Variants in PARD3B observed in about 807,000 individuals in gnomAD.
PARD3B encodes the protein par-3 family cell polarity regulator beta.
PARD3B carries 103 observed loss-of-function variants against 130.2 expected under a neutral mutation model. The observed-to-expected ratio is 0.79, with a 90% CI of 0.67 to 0.93. The LOEUF is 0.93. Among genes scored for constraint, PARD3B ranks in the 40% least tolerant of loss-of-function variants. PARD3B has a pLI of 0.00. For synonymous variants in PARD3B, 583 were observed against 553.2 expected (o/e 1.05, Z -0.76); for missense variants, 1,609 against 1,499.2 (o/e 1.07, Z -1.21).
At chr2:204,850,728 A>G (rs1402034804) in intron 2 of PARD3B, among the ~76,000 whole-genome samples, 1 of 152,188 alleles carries the variant, frequency 6.6e-6, no homozygotes, top group Non-Finnish European at 1.5e-5. Context: ...GGCACTGACC[A>G]AATGCTGAAA....
chr2:205,153,763 T>G (rs796748417), intron 10 of PARD3B, among the ~76,000 whole-genome samples: 2 of 152,160 alleles, frequency 1.3e-5, no homozygotes, highest in African/African-American at 4.8e-5. Flanking sequence ...CCATCTGATC[T>G]TCAACAAACC....
chr2:204,685,614 A>G (rs2037037336), intron 1 of PARD3B, among the ~76,000 whole-genome samples: 1 of 152,200 alleles, frequency 6.6e-6, no homozygotes, highest in Admixed American at 6.5e-5. Flanking sequence ...GCTGCAGGAA[A>G]TGGCAAGCGA....
chr2:204,707,403 C>T (rs1174964662), intron 2 of PARD3B, among the ~76,000 whole-genome samples: 1 of 152,140 alleles, frequency 6.6e-6, no homozygotes, highest in Non-Finnish European at 1.5e-5. Flanking sequence ...ATCACTGTTA[C>T]AACTTTTTGG....
intron 20 of PARD3B, among the ~76,000 whole-genome samples, chr2:205,469,862 C>A (rs531761896): frequency 1.3e-5 from 2 of 152,378 alleles, no homozygotes; most frequent in South Asian, 4.1e-4. Context: ...CAAGACACAT[C>A]TGCCATTGTC....
intron 15 of PARD3B, among the ~76,000 whole-genome samples, chr2:205,221,709 A>G (rs146975373): frequency 1.1e-3 from 164 of 143,754 alleles, no homozygotes; most frequent in African/African-American, 4.0e-3. Context: ...ATTCTCTATG[A>G]TATCACCTAG....
At chr2:204,625,836 G>C (rs2034468062) in intron 1 of PARD3B, among the ~76,000 whole-genome samples, 1 of 152,208 alleles carries the variant, frequency 6.6e-6, no homozygotes, top group Non-Finnish European at 1.5e-5. Context: ...AATAGGTGAT[G>C]ATTTACTGAT....
chr2:205,549,850 G>A (rs1303082959), intron 21 of PARD3B, among the ~76,000 whole-genome samples: 3 of 152,148 alleles, frequency 2.0e-5, no homozygotes, highest in East Asian at 3.9e-4. Flanking sequence ...GTGGGCATGC[G>A]GGTAATGAAG....
intron 19 of PARD3B, among the ~76,000 whole-genome samples, chr2:205,439,185 AG>A (rs1283578915): frequency 6.6e-6 from 1 of 152,104 alleles, no homozygotes; most frequent in African/African-American, 2.4e-5. Context: ...GATGGGTTTC[AG>A]TTGTTTTTTT....
intron 19 of PARD3B, among the ~76,000 whole-genome samples, chr2:205,434,780 A>G (rs1057069151): frequency 1.7e-4 from 26 of 152,312 alleles, no homozygotes; most frequent in African/African-American, 6.0e-4. Context: ...ATCATGAGAA[A>G]TCAAGTTTAC....
rs2048510181 is a variant in PARD3B, at chr2:205,463,234, A to G, written c.3044+22562A>G. Reference sequence around the variant, plus strand: ...TGACATTGCTTAGTCTTCCTTACACATAAGGAGAGTTTGAACAATGGATCC... The same window carrying G: ...TGACATTGCTTAGTCTTCCTTACACGTAAGGAGAGTTTGAACAATGGATCC... On this transcript the variant is annotated intron_variant, in intron 20 of 22. Coordinates refer to ENST00000406610, the MANE Select transcript of PARD3B (RefSeq NM_001302769.2). This position sits in a 1 kb window ranked among gnomAD's most constrained non-coding sequence, Gnocchi z 4.8. Among the ~76,000 whole-genome samples, 1 of 152,156 alleles carries G rather than the reference A, an allele frequency of 6.6e-6. No homozygotes were observed. Among genetic ancestry groups the G allele is most frequent in the African/African-American group, 2.4e-5 (1 of 41,434 alleles).
chr2:204,580,282 A>G (rs2032483957), intron 1 of PARD3B, among the ~76,000 whole-genome samples: 1 of 152,118 alleles, frequency 6.6e-6, no homozygotes, highest in South Asian at 2.1e-4. Flanking sequence ...TCCTGGACTG[A>G]TACCCTCCCT....
At chr2:205,452,366 G>A (rs1426214724) in intron 20 of PARD3B, among the ~76,000 whole-genome samples, 3 of 152,188 alleles carry the variant, frequency 2.0e-5, no homozygotes, top group Non-Finnish European at 4.4e-5. Context: ...GTGGCTGTGT[G>A]TAGGGACTTG....
intron 15 of PARD3B, among the ~76,000 whole-genome samples, chr2:205,238,016 T>C (rs755825013): frequency 6.6e-6 from 1 of 152,176 alleles, no homozygotes; most frequent in African/African-American, 2.4e-5. Context: ...TATCTCACAA[T>C]GAACAGTTGT....
chr2:204,831,521 C>T (rs949277348), intron 2 of PARD3B, among the ~76,000 whole-genome samples: 1 of 152,086 alleles, frequency 6.6e-6, no homozygotes, highest in Non-Finnish European at 1.5e-5. Context: ...AAAATCAAGT[C>T]TAGAGAAAAA....
In PARD3B at chr2:205,339,198, C is replaced by A. The variant is rs186205871; in HGVS notation, c.2630+37497C>A. ...TCATCATCTAAGAAATATCTTAAGT[C>A]AAATATTAGTCTATTTTACCACAAA... On this transcript the variant is annotated intron_variant, in intron 18 of 22. Transcript: ENST00000406610. Among the ~76,000 whole-genome samples the A allele has an allele frequency of 5.3e-3, 798 of 151,816 alleles. 2 individuals carry two copies. Among genetic ancestry groups the A allele is most frequent in the Non-Finnish European group, 9.3e-3 (630 of 67,954 alleles).
Position 204,799,842 on chromosome 2 carries a change from A to T in PARD3B, c.222+113560A>T, listed in dbSNP as rs187341442. ...GTTCCCCAAATGCAGATATGGCTGC[A>T]GTGACTAAAGATTTATATCACAGCA... On this transcript the variant is annotated intron_variant, in intron 2 of 22. Transcript: ENST00000406610. The surrounding 1 kb of genome is among the most constrained non-coding windows in gnomAD (Gnocchi z 4.1). Among the ~76,000 whole-genome samples, 781 of 152,316 alleles carry T rather than the reference A, an allele frequency of 5.1e-3. 1 individual carries two copies. The highest frequency in any genetic ancestry group is 7.8e-3 in the Non-Finnish European group (534 of 68,028).
rs2037261582 is a variant in PARD3B at position 204,689,583 on chromosome 2, A to T, written c.222+3301A>T. 6.6e-6 allele frequency among the ~76,000 whole-genome samples: 1 copy of T among 152,272 alleles called. No homozygotes were observed. The highest frequency in any genetic ancestry group is 1.9e-4 in the East Asian group (1 of 5,180). On this transcript the variant is annotated intron_variant, in intron 2 of 22. Transcript: ENST00000406610. This position sits in a 1 kb window ranked among gnomAD's most constrained non-coding sequence, Gnocchi z 5.2. ...CCTCTCTGGTTGCTAAAGGCTACCA[A>T]CTTAGTTCACCCAATAGTAACAACC... is the stretch of plus-strand genomic sequence containing the variant.
At chr2:205,390,383 C>T (rs2105975738) in intron 18 of PARD3B, among the ~76,000 whole-genome samples, 1 of 151,754 alleles carries the variant, frequency 6.6e-6, no homozygotes, top group Non-Finnish European at 1.5e-5. Context: ...ATTACATGAG[C>T]TATAAAGGGT....
rs1357142259 is a variant in PARD3B at position 204,606,787 on chromosome 2, CTACTG to C, written c.120+60669_120+60673del. 6.6e-6 allele frequency among the ~76,000 whole-genome samples: 1 copy of C among 152,134 alleles called. No homozygotes were observed. The highest frequency in any genetic ancestry group is 1.5e-5 in the Non-Finnish European group (1 of 68,020). On this transcript the variant is annotated intron_variant, in intron 1 of 22. Transcript: ENST00000406610. This position sits in a 1 kb window ranked among gnomAD's most constrained non-coding sequence, Gnocchi z 4.0. ...TTAATGGAATTCAATTCAGTTAAGA[CTACTG>C]AGAGTCCTTTATATCTCGTTTGGAG...
Sources: gnomAD v4.1 joint callset for allele counts (sites outside exome capture counted in the v4.1 genomes callset) on GRCh38, gnomAD v4.1.1 for gene constraint, Gnocchi (gnomAD v3.1) non-coding constraint, MANE v1.5 for transcripts, NCBI Gene and HGNC (gene_info 2026-07-23, HGNC 2026-07-21) for gene names.